Variants in SLIT3 observed in about 807,000 individuals in gnomAD.
The protein encoded by SLIT3 is slit guidance ligand 3, also known as slit homolog 3 protein.
A neutral mutation model predicts 184.0 loss-of-function variants in SLIT3; 68 were observed. The observed-to-expected ratio is 0.37, with a 90% CI of 0.30 to 0.45. The LOEUF is 0.45. SLIT3 is among the 20% of genes least tolerant of loss of function. The probability of loss-of-function intolerance (pLI) is 1.00; values close to 1 mark genes in which losing one functional copy is unlikely to be tolerated. For missense variants in SLIT3, 1,707 were observed against 2,026.0 expected (o/e 0.84, Z 3.02); for synonymous variants, 831 against 828.6 (o/e 1.00, Z -0.05).
chr5:169,113,225 G>T (rs1284580116), intron 4 of SLIT3, among the ~76,000 whole-genome samples: 1 of 152,048 alleles, frequency 6.6e-6, no homozygotes, highest in Non-Finnish European at 1.5e-5. Flanking sequence ...CTCCTCATTT[G>T]CCCTTCCCTA....
intron 4 of SLIT3, among the ~76,000 whole-genome samples, chr5:168,962,934 C>T (rs1194792997): frequency 1.3e-5 from 2 of 152,222 alleles, no homozygotes; most frequent in Non-Finnish European, 2.9e-5. Flanking sequence ...CCGTTCCTTC[C>T]CCATCACTCC....
At chr5:168,856,806 T>TGTGTGCGCGCGCGCGC (rs374432432) in intron 5 of SLIT3, among the ~76,000 whole-genome samples, 6 of 137,738 alleles carry the variant, frequency 4.4e-5, no homozygotes, top group African/African-American at 1.7e-4. Context: ...TGTGTGTGTG[T>TGTGTGCGCGCGCGCGC]GCGCGCGCGC....
Position 168,888,132 on chromosome 5 carries a change from G to A in SLIT3, c.414-4796C>T, listed in dbSNP as rs773710125. Among the ~76,000 whole-genome samples, 3 of 152,120 alleles carry A rather than the reference G, an allele frequency of 2.0e-5. No homozygotes were observed. In the East Asian group the frequency reaches 5.8e-4, roughly 29 times the overall value. ...GTTAAGTGATTAATGAAGTGCTCCC[G>A]GGAGAGACCAGTGAGGATGGAAACC... On this transcript the variant is annotated intron_variant, in intron 4 of 35. Coordinates refer to ENST00000519560, the MANE Select transcript of SLIT3 (RefSeq NM_003062.4).
At chr5:169,005,516 T>C (rs551112473) in intron 4 of SLIT3, among the ~76,000 whole-genome samples, 7 of 152,330 alleles carry the variant, frequency 4.6e-5, no homozygotes, top group Admixed American at 1.3e-4. Flanking sequence ...TCTTCCCTGA[T>C]GACCTGGGCC....
At chr5:169,247,598 A>G (rs1368177218) in intron 2 of SLIT3, among the ~76,000 whole-genome samples, 2 of 152,200 alleles carry the variant, frequency 1.3e-5, no homozygotes, top group African/African-American at 4.8e-5. Context: ...GGATATCTAT[A>G]TGAGATACAC....
At chr5:168,685,096 TGC>T (rs1265804156) in intron 31 of SLIT3, among the ~76,000 whole-genome samples, 4 of 152,130 alleles carry the variant, frequency 2.6e-5, no homozygotes, top group African/African-American at 7.2e-5. Context: ...ATTACAGGCA[TGC>T]ACCACCACGC....
chr5:168,751,728 C>CTT (rs373074911), intron 18 of SLIT3, among the ~76,000 whole-genome samples: 12 of 143,834 alleles, frequency 8.3e-5, no homozygotes, highest in African/African-American at 1.0e-4. Flanking sequence ...CCAGTGACAT[C>CTT]TTTTTTTTTT....
intron 4 of SLIT3, among the ~76,000 whole-genome samples, chr5:169,052,078 G>T (rs990663460): frequency 2.0e-5 from 3 of 150,626 alleles, no homozygotes; most frequent in African/African-American, 7.3e-5. Context: ...TCCAGCCAGA[G>T]AACTTCTTCA....
chr5:169,019,343 C>T (rs1756511727), intron 4 of SLIT3, among the ~76,000 whole-genome samples: 1 of 152,202 alleles, frequency 6.6e-6, no homozygotes, highest in South Asian at 2.1e-4. Context: ...CTTTGCTTTG[C>T]GTTAAATTGT....
At chr5:168,965,981 C>T (rs1306913844) in intron 4 of SLIT3, among the ~76,000 whole-genome samples, 4 of 151,954 alleles carry the variant, frequency 2.6e-5, no homozygotes, top group Non-Finnish European at 5.9e-5. Flanking sequence ...TAAGCAACAG[C>T]GTGTGGTTCT....
intron 20 of SLIT3, among the ~76,000 whole-genome samples, chr5:168,747,467 A>T (rs1440650609): frequency 6.6e-6 from 1 of 151,932 alleles, no homozygotes; most frequent in Non-Finnish European, 1.5e-5. Flanking sequence ...TGGATGAGTG[A>T]AGGAGTGGAT....
chr5:169,057,306 C>G (rs750271845), intron 4 of SLIT3, among the ~76,000 whole-genome samples: 1 of 152,144 alleles, frequency 6.6e-6, no homozygotes, highest in Non-Finnish European at 1.5e-5. Flanking sequence ...CCAGTTCCCC[C>G]ACAACCCTGA....
intron 4 of SLIT3, among the ~76,000 whole-genome samples, chr5:169,091,299 G>A (rs1329120199): frequency 2.6e-5 from 4 of 152,170 alleles, no homozygotes; most frequent in East Asian, 1.9e-4. Flanking sequence ...GACCCTGTAA[G>A]GGATGCATTC....
intron 29 of SLIT3, among the ~76,000 whole-genome samples, chr5:168,689,580 T>C (rs1167850379): frequency 6.6e-6 from 1 of 152,258 alleles, no homozygotes; most frequent in Non-Finnish European, 1.5e-5. Context: ...TAATACACCT[T>C]GCCTGACAAA....
At chr5:169,029,952 C>T (rs1038664119) in intron 4 of SLIT3, among the ~76,000 whole-genome samples, 1 of 152,194 alleles carries the variant, frequency 6.6e-6, no homozygotes, top group South Asian at 2.1e-4. Flanking sequence ...CCTTTTAACA[C>T]ATTCTCCCCA....
intron 4 of SLIT3, among the ~76,000 whole-genome samples, chr5:168,916,012 A>G (rs1241531835): frequency 6.6e-6 from 1 of 152,254 alleles, no homozygotes; most frequent in Non-Finnish European, 1.5e-5. Context: ...CATGTGCACA[A>G]CGTGCAGGTT....
At chr5:169,017,267 T>A (rs1270854858) in intron 4 of SLIT3, among the ~76,000 whole-genome samples, 3 of 152,218 alleles carry the variant, frequency 2.0e-5, no homozygotes, top group Admixed American at 6.5e-5. Context: ...TCGCATGTTA[T>A]CATCTGTGAT....
rs1433625557 is a variant in SLIT3, at chr5:168,696,394, C to T, written c.2980G>A (p.Glu994Lys). 3.9e-5 allele frequency: 63 copies of T among 1,614,028 alleles called. No homozygotes were observed. The highest frequency in any genetic ancestry group is 5.3e-5 in the Non-Finnish European group (62 of 1,180,042). The change falls in exon 28 of 36, where the codon GAG (glutamate) becomes AAG (lysine). Residue 994 changes from glutamate (E) to lysine (K), a missense_variant. Physicochemically the swap from Glu to Lys is moderately conservative, Grantham distance 56 (BLOSUM62 1). Coordinates refer to ENST00000519560, the MANE Select transcript of SLIT3 (RefSeq NM_003062.4). ...CPLGFEGQRC[E>K]INPDDCEDND... ...TCCTCACAGTCATCTGGGTTGATCT[C>T]ACACCGCTGCCCCTCAAAGCCCAGA...
chr5:169,129,307 T>A (rs951467765), intron 4 of SLIT3, among the ~76,000 whole-genome samples: 1 of 152,160 alleles, frequency 6.6e-6, no homozygotes, highest in Admixed American at 6.5e-5. Flanking sequence ...ATCCCAGCAC[T>A]TTGGGAGGCC....
Sources: gnomAD v4.1 joint callset for allele counts (sites outside exome capture counted in the v4.1 genomes callset) on GRCh38, gnomAD v4.1.1 for gene constraint, MANE v1.5 for transcripts, NCBI Gene and HGNC (gene_info 2026-07-23, HGNC 2026-07-21) for gene names.